The following TAF1 variants were observed in gnomAD, a reference collection of about 807,000 sequenced individuals.
TAF1 encodes the protein transcription initiation factor TFIID subunit 1.
In TAF1, 2 loss-of-function variants were observed where a neutral mutation model predicts 138.5. That is an observed-to-expected ratio of 0.01 (90% CI 0.01 to 0.05). The LOEUF is 0.05. TAF1 is among the 10% of genes least tolerant of loss of function. The pLI, the probability that TAF1 is intolerant of heterozygous loss-of-function variation, is 1.00. For missense variants in TAF1, 709 were observed against 1,478.0 expected (o/e 0.48, Z 8.53); for synonymous variants, 437 against 503.2 (o/e 0.87, Z 1.76).
Position 71,464,705 on chromosome X carries a change from CA to C in TAF1, c.*672del, listed in dbSNP as rs879103327. On this transcript the variant is annotated 3_prime_UTR_variant, in exon 38 of 38. Coordinates refer to ENST00000423759, the MANE Select transcript of TAF1 (RefSeq NM_004606.5). ...TGGGCGAAAGAGTGAGATTCAGTCT[CA>C]AAAAAAAAAAAATTTCCAAGCATGG... is the stretch of plus-strand genomic sequence containing the variant. The C allele has an allele frequency of 4.1e-3, 428 of 104,468 alleles. No individual in the cohort carries two copies. Among genetic ancestry groups the C allele is most frequent in the Non-Finnish European group, 5.8e-3 (303 of 52,207 alleles). The allele number at this position is 104,468 out of a possible 1,213,427, so 8.6% of individuals were successfully genotyped here. A position where few individuals can be genotyped will look rare whatever the true frequency, so the allele number is the denominator to read the frequency against.
chrX:71,407,950 T>G (rs1426826170), intron 27 of TAF1, 24 bp from the exon 28 acceptor site: 2 of 1,197,310 alleles, frequency 1.7e-6, no homozygotes, highest in South Asian at 1.8e-5. Context: ...TTTGCTGATG[T>G]ATGGTTCTGG....
At chrX:71,452,493 T>C (rs2038052292) in intron 32 of TAF1, among the ~76,000 whole-genome samples, 1 of 106,630 alleles carries the variant, frequency 9.4e-6, no homozygotes, top group Admixed American at 9.8e-5. Flanking sequence ...CCTCACTTCC[T>C]AGATGGGATG....
At chrX:71,397,553 G>A (rs1321299696) in intron 23 of TAF1, 87 bp downstream of exon 23, 2 of 1,047,217 alleles carry the variant, frequency 1.9e-6, no homozygotes, top group Non-Finnish European at 1.3e-6. Context: ...CGTGATCTTG[G>A]CTCATTGCAA....
intron 1 of TAF1, 21 bp downstream of exon 1, chrX:71,366,515 G>A (rs1354819492): frequency 2.4e-6 from 1 of 418,745 alleles, no homozygotes; most frequent in African/African-American, 2.7e-5. Context: ...GGGCGTGGGG[G>A]TAGGGCTCGG....
At chrX:71,385,180 A>G (rs2034139891) in intron 14 of TAF1, 131 bp downstream of exon 14, 1 of 476,619 alleles carries the variant, frequency 2.1e-6, no homozygotes, top group Non-Finnish European at 3.4e-6. Context: ...GAAAATAAGT[A>G]TAATCCAAAA....
At chrX:71,500,370 C>T (rs975370969) in intron 13 of TAF1, among the ~76,000 whole-genome samples, 27 of 110,909 alleles carry the variant, frequency 2.4e-4, no homozygotes, top group South Asian at 3.8e-4. Context: ...GGGGCCAGGC[C>T]GTAGTGCAGA....
Position 71,487,906 on chromosome X carries a change from T to C in TAF1, c.1366+27103T>C, listed in dbSNP as rs189279997. On this transcript the variant is annotated intron_variant and NMD_transcript_variant, in intron 13 of 14. Transcript: ENST00000373775. ...AGGCCAGACATTAAAAATTTTACCT[T>C]GTTAGGTGCTGGGTATTTCTGTACT... Among the ~76,000 whole-genome samples the C allele has an allele frequency of 6.4e-3, 714 of 112,140 alleles. 3 individuals carry two copies. The highest frequency in any genetic ancestry group is 9.7e-3 in the Non-Finnish European group (516 of 53,253).
chrX:71,463,825 T>C lies in TAF1; in HGVS notation c.5401T>C (p.Tyr1801His), dbSNP rs780099438. Residue 1801 changes from tyrosine to histidine, a missense_variant and splice_region_variant, in exon 38 of 38, where the codon TAT becomes CAT. Tyr to His is a moderately conservative substitution (Grantham distance 83). Coordinates refer to ENST00000423759, the MANE Select transcript of TAF1 (RefSeq NM_004606.5). ...SHGLEDSNIS[Y>H]GSYEEPDPKS... ...GAGATGACATGTTTCTCTTCTCAGT[T>C]ATGGGAGCTATGAGGAGCCTGATCC... The C allele has an allele frequency of 8.3e-7, 1 of 1,207,427 alleles. No individual in the cohort carries two copies. Among genetic ancestry groups the C allele is most frequent in the African/African-American group, 1.8e-5 (1 of 57,031 alleles).
intron 13 of TAF1, among the ~76,000 whole-genome samples, chrX:71,510,974 A>C (rs1185052315): frequency 9.0e-6 from 1 of 111,193 alleles, no homozygotes; most frequent in East Asian, 2.8e-4. Flanking sequence ...GTGGTGGCGC[A>C]TGCCTGTAAT....
At position 71,436,648 on chromosome X, in the gene TAF1, A is replaced by T. The variant is rs545688917; in HGVS notation, c.4753+12410A>T. Among the ~76,000 whole-genome samples the T allele has an allele frequency of 1.8e-4, 20 of 111,298 alleles. No individual in the cohort carries two copies. The East Asian group carries it at 2.5e-3, about 14-fold the overall frequency. ...AGGCATAAGCCAATGCACCTGGCCA[A>T]AATGCTACCTTTATAATATACTAAA... On this transcript the variant is annotated intron_variant, in intron 32 of 37. Transcript: ENST00000423759.
chrX:71,436,276 C>T (rs1353216406), intron 32 of TAF1, among the ~76,000 whole-genome samples: 1 of 97,285 alleles, frequency 1.0e-5, no homozygotes, highest in African/African-American at 3.9e-5. Flanking sequence ...AGTGCAGTGG[C>T]GCGATCTCGG....
chrX:71,463,900 G>T lies in TAF1; in HGVS notation c.5476G>T (p.Val1826Leu). 8.3e-7 allele frequency: 1 copy of T among 1,210,206 alleles called. No homozygotes were observed. The change falls in exon 38 of 38, where the codon GTA becomes TTA. Residue 1826 changes from valine (V) to leucine (L), a missense_variant. By Grantham distance (32) the Val-to-Leu change is conservative. Transcript: ENST00000423759. ...TSFSSIGGYE[V>L]SEEEEDEEEE... is the part of the protein sequence containing the mutation. ...CTTCAGCAGCATCGGTGGGTATGAG[G>T]TATCAGAGGAGGAAGAAGATGAGGA...
intron 13 of TAF1, among the ~76,000 whole-genome samples, chrX:71,518,692 C>CTTTTTTT (rs41486346): frequency 8.8e-5 from 7 of 79,196 alleles, no homozygotes; most frequent in East Asian, 4.1e-4. Context: ...TCTTTTCTTT[C>CTTTTTTT]TTTTTTTTTT....
intron 28 of TAF1, among the ~76,000 whole-genome samples, chrX:71,409,135 C>CTGT (rs2035637084): frequency 9.0e-6 from 1 of 110,831 alleles, no homozygotes; most frequent in Admixed American, 9.7e-5. Flanking sequence ...GTTAGAGGTG[C>CTGT]TGTTACATGT....
intron 34 of TAF1, chrX:71,455,086 G>A: frequency 1.2e-5 from 13 of 1,126,764 alleles, no homozygotes; most frequent in Non-Finnish European, 1.5e-5. Context: ...ATGGGGTGGG[G>A]CCTTAGTTGT....
chrX:71,485,789 T>C (rs2039159435), intron 13 of TAF1, among the ~76,000 whole-genome samples: 1 of 110,978 alleles, frequency 9.0e-6, no homozygotes. Flanking sequence ...TCTTCAATCC[T>C]ATAGGTTGCC....
At chrX:71,525,666 T>G (rs1246428934) in intron 13 of TAF1, among the ~76,000 whole-genome samples, 2 of 110,254 alleles carry the variant, frequency 1.8e-5, no homozygotes, top group African/African-American at 6.6e-5. Flanking sequence ...CTATTTTTTT[T>G]TTTTGAGACA....
intron 3 of TAF1, among the ~76,000 whole-genome samples, chrX:71,369,883 G>T (rs984852245): frequency 9.2e-6 from 1 of 108,659 alleles, no homozygotes; most frequent in Non-Finnish European, 1.9e-5. Flanking sequence ...AAAGTGCTGG[G>T]ATTACAGGCA....
At chrX:71,435,848 C>T (rs2037110683) in intron 32 of TAF1, among the ~76,000 whole-genome samples, 1 of 109,841 alleles carries the variant, frequency 9.1e-6, no homozygotes, top group African/African-American at 3.3e-5. Context: ...TTCCCTACCC[C>T]CAAGATAGCA....
Sources: allele counts gnomAD v4.1 joint callset (sites outside exome capture counted in the v4.1 genomes callset), GRCh38; gene constraint gnomAD v4.1.1; transcripts MANE v1.5; gene names NCBI Gene and HGNC (gene_info 2026-07-23, HGNC 2026-07-21).